Variants in ZNF662 observed in about 807,000 individuals in gnomAD.
ZNF662 encodes zinc finger protein 662.
Under a neutral mutation model 12.4 loss-of-function variants are expected in ZNF662, and 14 were observed. That is an observed-to-expected ratio of 1.13 (90% CI 0.75 to 1.77). ZNF662 has a LOEUF of 1.77. ZNF662 is among the 40% of genes most tolerant of loss of function. The pLI is 0.00. For synonymous variants in ZNF662, 184 were observed against 176.4 expected (o/e 1.04, Z -0.34); for missense variants, 550 against 515.6 (o/e 1.07, Z -0.65).
chr3:42,910,316 T>A (rs11129986), intron 3 of ZNF662, among the ~76,000 whole-genome samples: 1 of 152,054 alleles, frequency 6.6e-6, no homozygotes, highest in Non-Finnish European at 1.5e-5. Context: ...AGTCCAGCCT[T>A]GGCTGGGCTT....
chr3:42,910,227 C>T (rs559043694), intron 3 of ZNF662, among the ~76,000 whole-genome samples: 63 of 152,310 alleles, frequency 4.1e-4, no homozygotes, highest in Non-Finnish European at 7.2e-4. Flanking sequence ...CGGCGCCCGC[C>T]TGCAATCCCA....
Position 42,915,572 on chromosome 3 carries a change from G to GTAAA in ZNF662, c.*218_*219insTAAA. The GTAAA allele has an allele frequency of 2.0e-6, 1 of 501,650 alleles. No individual in the cohort carries two copies. The highest frequency in any genetic ancestry group is 3.1e-5 in the East Asian group (1 of 32,078). 31.1% of individuals were successfully genotyped at this position (501,650 alleles called of 1,614,324 possible). ...TTAGTTGGGCAGCTACTCTGTATCA[G>GTAAA]GTGCTAACCACTTTACATACATTAA... On this transcript the variant is annotated 3_prime_UTR_variant, in exon 5 of 5. Coordinates refer to ENST00000440367, the MANE Select transcript of ZNF662 (RefSeq NM_207404.4).
rs1039353995 is a variant in ZNF662, at chr3:42,918,609, C to T, written c.*3255C>T. Among the ~76,000 whole-genome samples the T allele has an allele frequency of 6.7e-6, 1 of 150,016 alleles. No homozygotes were observed. Among genetic ancestry groups the T allele is most frequent in the Admixed American group, 6.8e-5 (1 of 14,800 alleles). ...TTGGCTGTCTCCTGATTCTATCATT[C>T]CCCCCTCTAAAGAAGTACATCTAAC... On this transcript the variant is annotated 3_prime_UTR_variant, in exon 5 of 5. Coordinates refer to ENST00000440367, the MANE Select transcript of ZNF662 (RefSeq NM_207404.4).
In ZNF662 at chr3:42,914,773, C is replaced by G; in HGVS notation, c.700C>G (p.His234Asp). The change falls in exon 5 of 5, where the codon CAT becomes GAT. Residue 234 changes from histidine to aspartate, a missense_variant. Transcript: ENST00000440367. ...ECGKAFSFRS[H>D]CIAHQRIHSG... ...TGGGAAGGCTTTCAGTTTTCGATCA[C>G]ATTGCATTGCACATCAGAGAATTCA... is the stretch of plus-strand genomic sequence containing the variant. 1.9e-6 allele frequency: 3 copies of G among 1,613,208 alleles called. No homozygotes were observed. Among genetic ancestry groups the G allele is most frequent in the Non-Finnish European group, 2.5e-6 (3 of 1,179,708 alleles).
At position 42,916,832 on chromosome 3, in the gene ZNF662, C is replaced by G. The variant is rs2088901052; in HGVS notation, c.*1478C>G. 1 of 152,204 alleles carries G rather than the reference C, an allele frequency of 6.6e-6. No homozygotes were observed. Among genetic ancestry groups the G allele is most frequent in the African/African-American group, 2.4e-5 (1 of 41,428 alleles). The allele number at this position is 152,204 out of a possible 1,614,324, so 9.4% of individuals were successfully genotyped here. A position where few individuals can be genotyped will look rare whatever the true frequency, so the allele number is the denominator to read the frequency against. ...TTCCAGTCTGTCCATCCCTCACTAC[C>G]ATGATAGTCTACATTCTGATAAGCT... On this transcript the variant is annotated 3_prime_UTR_variant, in exon 5 of 5. Coordinates refer to ENST00000440367, the MANE Select transcript of ZNF662 (RefSeq NM_207404.4).
intron 3 of ZNF662, among the ~76,000 whole-genome samples, chr3:42,910,360 G>T (rs1162184306): frequency 5.9e-5 from 9 of 152,152 alleles, no homozygotes; most frequent in Non-Finnish European, 1.0e-4. Context: ...GAGAGGGGGA[G>T]GGGGAAGGGG....
rs114734905 is a variant in ZNF662, at chr3:42,918,417, C to T, written c.*3063C>T. The stretch of plus-strand genomic sequence containing the variant: ...GAGCTGAAGAGCCTAGTCTTCTCCC[C>T]CTGCATGAATTCCTGGTGGCTACAC... On this transcript the variant is annotated 3_prime_UTR_variant, in exon 5 of 5. Coordinates refer to ENST00000440367, the MANE Select transcript of ZNF662 (RefSeq NM_207404.4). Among the ~76,000 whole-genome samples the T allele has an allele frequency of 6.6e-6, 1 of 152,094 alleles. No individual in the cohort carries two copies. The highest frequency in any genetic ancestry group is 1.5e-5 in the Non-Finnish European group (1 of 68,024).
chr3:42,914,333 T>TG lies in ZNF662; in HGVS notation c.261dup (p.Leu88ValfsTer16). On this transcript the variant is annotated frameshift_variant, in exon 5 of 5. Transcript: ENST00000440367. LOFTEE classifies it low-confidence loss of function (END_TRUNC). ...CTCCAATTTCTTTTTTCAGAGGGTG[T>TG]GTTGAAGAGGAAGAAAGAAGATTTT... The TG allele has an allele frequency of 6.3e-7, 1 of 1,594,822 alleles. No individual in the cohort carries two copies.
At position 42,912,607 on chromosome 3, in the gene ZNF662, A is replaced by G. The variant is rs1169032804; in HGVS notation, c.152-594A>G. ...TATAAATATATTTATATAAAATACA[A>G]ATATTTTTCTATAAAATATATATTT... On this transcript the variant is annotated intron_variant, in intron 3 of 4. Transcript: ENST00000440367. Among the ~76,000 whole-genome samples, 69 of 97,714 alleles carry G rather than the reference A, an allele frequency of 7.1e-4. 1 individual carries two copies. Among genetic ancestry groups the G allele is most frequent in the African/African-American group, 2.7e-3 (67 of 24,378 alleles). 64.1% of individuals were successfully genotyped at this position (97,714 alleles called of 152,430 possible). A position where few individuals can be genotyped will look rare whatever the true frequency, so the allele number is the denominator to read the frequency against.
chr3:42,913,417 A>G (rs942198189), intron 4 of ZNF662, 115 bp downstream of exon 4: 1 of 785,602 alleles, frequency 1.3e-6, no homozygotes, highest in African/African-American at 1.7e-5. Flanking sequence ...TGGGGACCAG[A>G]TCCTTAAATC....
rs191274576 is a variant in ZNF662, at chr3:42,917,093, G to A, written c.*1739G>A. 137 of 180,080 alleles carry A rather than the reference G, an allele frequency of 7.6e-4. No individual in the cohort carries two copies. The highest frequency in any genetic ancestry group is 3.2e-3 in the African/African-American group (136 of 42,640). The allele number at this position is 180,080 out of a possible 1,614,324, so 11.2% of individuals were successfully genotyped here. On this transcript the variant is annotated 3_prime_UTR_variant, in exon 5 of 5. Coordinates refer to ENST00000440367, the MANE Select transcript of ZNF662 (RefSeq NM_207404.4). ...AATTAACTAATTCTACTTGAAATCA[G>A]GAGTTTTATAAAACAACATTTTTAG...
Position 42,908,836 on chromosome 3 carries a change from G to T in ZNF662, c.78G>T (p.Glu26Asp), listed in dbSNP as rs2088722911. The T allele has an allele frequency of 6.2e-7, 1 of 1,614,124 alleles. No individual in the cohort carries two copies. The highest frequency in any genetic ancestry group is 1.1e-5 in the South Asian group (1 of 91,074). ...AACCGGCTCTGATTTCCCAGCTGGA[G>T]CGAGGGGAAACACCCTGGTGCTCGG... is the stretch of plus-strand genomic sequence containing the variant. ...FPKPALISQL[E>D]RGETPWCSVP... Residue 26 changes from glutamate to aspartate, a missense_variant, in exon 3 of 5, where the codon GAG becomes GAT. Glu to Asp is a conservative substitution (Grantham distance 45, BLOSUM62 2). Coordinates refer to ENST00000440367, the MANE Select transcript of ZNF662 (RefSeq NM_207404.4).
chr3:42,909,180 G>A (rs962764925), intron 3 of ZNF662, among the ~76,000 whole-genome samples: 1 of 152,158 alleles, frequency 6.6e-6, no homozygotes, highest in Admixed American at 6.5e-5. Context: ...GTGAACAAAG[G>A]TCTCTGGTTT....
Position 42,913,171 on chromosome 3 carries a change from T to A in ZNF662, c.152-30T>A, listed in dbSNP as rs887986055. ...GATGGGCCTCACTCTTCTGACTGAG[T>A]CAGCCTTATTTGTATCTTGACCCTG... On this transcript the variant is annotated intron_variant, in intron 3 of 4. Coordinates refer to ENST00000440367, the MANE Select transcript of ZNF662 (RefSeq NM_207404.4). 3.9e-6 allele frequency: 6 copies of A among 1,549,266 alleles called. No individual in the cohort carries two copies. The African/African-American group carries it at 8.1e-5, about 21-fold the overall frequency.
In ZNF662 at chr3:42,917,640, G is replaced by A. The variant is rs558671623; in HGVS notation, c.*2286G>A. The A allele has an allele frequency of 7.4e-6, 5 of 676,678 alleles. No individual in the cohort carries two copies. In the South Asian group the frequency reaches 8.0e-5, roughly 11 times the overall value. 41.9% of individuals were successfully genotyped at this position (676,678 alleles called of 1,614,324 possible). ...GTGAGCCAATAAACATCTGTCAAAC[G>A]AGTTAGAGTTGAGTTTTCTGTTATT... On this transcript the variant is annotated 3_prime_UTR_variant, in exon 5 of 5. Coordinates refer to ENST00000440367, the MANE Select transcript of ZNF662 (RefSeq NM_207404.4).
In ZNF662 at chr3:42,919,154, G is replaced by T. The variant is rs2125651857; in HGVS notation, c.*3800G>T. Among the ~76,000 whole-genome samples the T allele has an allele frequency of 6.6e-6, 1 of 152,296 alleles. No homozygotes were observed. Among genetic ancestry groups the T allele is most frequent in the Middle Eastern group, 3.4e-3 (1 of 294 alleles). On this transcript the variant is annotated 3_prime_UTR_variant, in exon 5 of 5. Coordinates refer to ENST00000440367, the MANE Select transcript of ZNF662 (RefSeq NM_207404.4). ...AGCTGCAGCCAGAGATTGCTGGTTG[G>T]TTCACAGGAATAAGCAGTGTTAGTT...
chr3:42,909,019 G>A (rs2088727718), intron 3 of ZNF662, 110 bp downstream of exon 3: 3 of 644,856 alleles, frequency 4.7e-6, no homozygotes, highest in Admixed American at 3.5e-5. Flanking sequence ...TAGTGGGATT[G>A]CATTTCTTCT....
At position 42,917,877 on chromosome 3, in the gene ZNF662, T is replaced by G. The variant is rs2088910180; in HGVS notation, c.*2523T>G. ...ATCCCATCACTTTGGGAGGCCAAGG[T>G]GGGCAGATCACCTGAGATTGGGAGT... On this transcript the variant is annotated 3_prime_UTR_variant, in exon 5 of 5. Coordinates refer to ENST00000440367, the MANE Select transcript of ZNF662 (RefSeq NM_207404.4). Among the ~76,000 whole-genome samples the G allele has an allele frequency of 6.6e-6, 1 of 152,168 alleles. No homozygotes were observed. Among genetic ancestry groups the G allele is most frequent in the South Asian group, 2.1e-4 (1 of 4,832 alleles).
Position 42,906,907 on chromosome 3 carries a change from A to G in ZNF662, c.-94+739A>G, listed in dbSNP as rs1247590707. ...GTGGTGGTGGCTGATGATCCTGGCC[A>G]GGAAAGCTGGGTCTGTGAGTAGTGA... On this transcript the variant is annotated intron_variant, in intron 1 of 4. Transcript: ENST00000440367. This position sits in a 1 kb window ranked among gnomAD's most constrained non-coding sequence, Gnocchi z 4.4. 6.6e-6 allele frequency among the ~76,000 whole-genome samples: 1 copy of G among 152,184 alleles called. No individual in the cohort carries two copies. The highest frequency in any genetic ancestry group is 1.5e-5 in the Non-Finnish European group (1 of 68,040).
Sources: allele counts gnomAD v4.1 joint callset (sites outside exome capture counted in the v4.1 genomes callset), GRCh38; gene constraint gnomAD v4.1.1; non-coding constraint Gnocchi (gnomAD v3.1); transcripts MANE v1.5; gene names NCBI Gene and HGNC (gene_info 2026-07-23, HGNC 2026-07-21).